The following UNC5A variants were observed in gnomAD, a reference collection of about 807,000 sequenced individuals.
The protein encoded by UNC5A is unc-5 netrin receptor A.
UNC5A carries 20 observed loss-of-function variants against 87.4 expected under a neutral mutation model. That is an observed-to-expected ratio of 0.23 (90% CI 0.16 to 0.33). The LOEUF (loss-of-function observed/expected upper bound fraction) is 0.33. Ranked by LOEUF, UNC5A falls within the 10% of genes least tolerant of loss-of-function variation. The probability of loss-of-function intolerance (pLI) is 1.00; values close to 1 mark genes in which losing one functional copy is unlikely to be tolerated. For synonymous variants in UNC5A, 438 were observed against 482.3 expected (o/e 0.91, Z 1.20); for missense variants, 844 against 1,133.4 (o/e 0.74, Z 3.67).
chr5:176,858,472 C>T (rs999874962), intron 1 of UNC5A, among the ~76,000 whole-genome samples: 1 of 152,002 alleles, frequency 6.6e-6, no homozygotes, highest in African/African-American at 2.4e-5. Flanking sequence ...GGGGCCAGAA[C>T]GTGAGGCTCA....
At position 176,844,883 on chromosome 5, in the gene UNC5A, A is replaced by G. The variant is rs1757364962; in HGVS notation, c.71-17741A>G. ...AGACTCCCTGCCCAGTGCTCATGAC[A>G]GACAGCAGCAGTTCCACACTTGGGT... On this transcript the variant is annotated intron_variant, in intron 1 of 14. Coordinates refer to ENST00000329542, the MANE Select transcript of UNC5A (RefSeq NM_133369.3). This position sits in a 1 kb window ranked among gnomAD's most constrained non-coding sequence, Gnocchi z 4.2. 6.6e-6 allele frequency among the ~76,000 whole-genome samples: 1 copy of G among 152,102 alleles called. No individual in the cohort carries two copies. Among genetic ancestry groups the G allele is most frequent in the South Asian group, 2.1e-4 (1 of 4,826 alleles).
At chr5:176,835,876 CAA>C (rs1307261116) in intron 1 of UNC5A, among the ~76,000 whole-genome samples, 1 of 152,012 alleles carries the variant, frequency 6.6e-6, no homozygotes, top group Non-Finnish European at 1.5e-5. Context: ...AAGGAGCTGA[CAA>C]AGAAATGAAA....
intron 1 of UNC5A, among the ~76,000 whole-genome samples, chr5:176,834,004 C>T (rs1405128179): frequency 6.6e-6 from 1 of 152,138 alleles, no homozygotes. Flanking sequence ...GCACCCGGCC[C>T]AGTCACACAG....
intron 1 of UNC5A, among the ~76,000 whole-genome samples, chr5:176,856,018 C>T (rs7731709): frequency 0.013 from 2,047 of 152,276 alleles, 49 homozygotes; most frequent in African/African-American, 0.047. Flanking sequence ...GAAGGAATGG[C>T]GGCAGCCGCC....
chr5:176,822,363 A>C (rs1387842010), intron 1 of UNC5A, among the ~76,000 whole-genome samples: 1 of 152,150 alleles, frequency 6.6e-6, no homozygotes, highest in Non-Finnish European at 1.5e-5. Flanking sequence ...GCAGGCCTGG[A>C]ATCTGAGCAG....
Position 176,865,758 on chromosome 5 carries a change from C to A in UNC5A, c.293-2372C>A. 2.2e-6 allele frequency: 1 copy of A among 444,558 alleles called. No homozygotes were observed. The highest frequency in any genetic ancestry group is 2.0e-5 in the African/African-American group (1 of 49,688). 27.5% of individuals were successfully genotyped at this position (444,558 alleles called of 1,614,324 possible). On this transcript the variant is annotated intron_variant, in intron 2 of 14. Transcript: ENST00000329542. This position sits in a 1 kb window ranked among gnomAD's most constrained non-coding sequence, Gnocchi z 5.3. ...CTCGGAGGCCCACCCAGCTCTGCAG[C>A]CCACTCATTCATGTGTGGGGCTGGA...
chr5:176,822,262 A>G (rs911752569), intron 1 of UNC5A, among the ~76,000 whole-genome samples: 10 of 152,188 alleles, frequency 6.6e-5, no homozygotes, highest in African/African-American at 2.4e-4. Flanking sequence ...CCCCTCTGTG[A>G]CACGCCCTGG....
chr5:176,829,020 A>G (rs1244938963), intron 1 of UNC5A, among the ~76,000 whole-genome samples: 1 of 152,064 alleles, frequency 6.6e-6, no homozygotes, highest in Non-Finnish European at 1.5e-5. Flanking sequence ...CCAGCCACTC[A>G]GGAGGCTGAG....
rs774432026 is a variant in UNC5A at position 176,841,171 on chromosome 5, C to T, written c.71-21453C>T. Among the ~76,000 whole-genome samples, 5 of 152,226 alleles carry T rather than the reference C, an allele frequency of 3.3e-5. No individual in the cohort carries two copies. Among genetic ancestry groups the T allele is most frequent in the African/African-American group, 7.2e-5 (3 of 41,452 alleles). ...GGTCAGGACCACATGGTAATGATCA[C>T]GAGCTAAAGTTGCAGGGGGCACCAG... On this transcript the variant is annotated intron_variant, in intron 1 of 14. Coordinates refer to ENST00000329542, the MANE Select transcript of UNC5A (RefSeq NM_133369.3). This position sits in a 1 kb window ranked among gnomAD's most constrained non-coding sequence, Gnocchi z 4.1.
chr5:176,873,029 C>T (rs1297408434), intron 6 of UNC5A, among the ~76,000 whole-genome samples: 4 of 76,250 alleles, frequency 5.2e-5, no homozygotes, highest in Non-Finnish European at 1.1e-4. Flanking sequence ...CCACACTCAC[C>T]CAACACCACA....
At chr5:176,820,672 G>C (rs950596003) in intron 1 of UNC5A, among the ~76,000 whole-genome samples, 8 of 152,148 alleles carry the variant, frequency 5.3e-5, no homozygotes, top group Admixed American at 1.3e-4. Flanking sequence ...CCTTCCTTTG[G>C]TCATCTGCAG....
chr5:176,868,671 G>C lies in UNC5A; in HGVS notation c.540+7G>C. The C allele has an allele frequency of 6.2e-7, 1 of 1,603,532 alleles. No homozygotes were observed. The highest frequency in any genetic ancestry group is 8.5e-7 in the Non-Finnish European group (1 of 1,174,742). On this transcript the variant is annotated splice_region_variant and intron_variant, in intron 4 of 14. Transcript: ENST00000329542. ...GGGCATCCCTCCAGCCGAGGTGAGG[G>C]CTCCTCTAGTGCCCACGTCTGGACC...
At chr5:176,873,867 C>A in intron 6 of UNC5A, 101 bp from the exon 7 acceptor site, 2 of 1,291,236 alleles carry the variant, frequency 1.5e-6, no homozygotes, top group Non-Finnish European at 2.1e-6. Context: ...GTGCAGATGC[C>A]CCGGGGTGCA....
At chr5:176,859,134 C>A (rs56402307) in intron 1 of UNC5A, among the ~76,000 whole-genome samples, 3 of 31,154 alleles carry the variant, frequency 9.6e-5, no homozygotes, top group African/African-American at 2.7e-4. Context: ...TGCTAGAATG[C>A]CCTTGCTAGA....
chr5:176,866,481 G>A lies in UNC5A; in HGVS notation c.293-1649G>A, dbSNP rs1757978439. ...CTTAAAGGTAGTGCTGTTCTCCCAA[G>A]CTGAGCCGCCTGGGCCATGGGTGAG... On this transcript the variant is annotated intron_variant, in intron 2 of 14. Transcript: ENST00000329542. The surrounding 1 kb of genome is among the most constrained non-coding windows in gnomAD (Gnocchi z 5.0). 6.6e-6 allele frequency among the ~76,000 whole-genome samples: 1 copy of A among 152,206 alleles called. No individual in the cohort carries two copies.
intron 1 of UNC5A, among the ~76,000 whole-genome samples, chr5:176,814,520 C>A (rs1009537869): frequency 6.6e-6 from 1 of 152,192 alleles, no homozygotes; most frequent in African/African-American, 2.4e-5. Flanking sequence ...CCCTTTGCTG[C>A]TGCCAATCCC....
In UNC5A at chr5:176,865,298, C is replaced by A. The variant is rs1397532921; in HGVS notation, c.292+2453C>A. Among the ~76,000 whole-genome samples, 2 of 152,240 alleles carry A rather than the reference C, an allele frequency of 1.3e-5. No homozygotes were observed. The highest frequency in any genetic ancestry group is 4.8e-5 in the African/African-American group (2 of 41,464). ...ACCCCCTTCCGGGCTCCCCCGCACA[C>A]CCCTCTGTCTGAAACACCCCTGCCA... On this transcript the variant is annotated intron_variant, in intron 2 of 14. Coordinates refer to ENST00000329542, the MANE Select transcript of UNC5A (RefSeq NM_133369.3). This position sits in a 1 kb window ranked among gnomAD's most constrained non-coding sequence, Gnocchi z 5.3.
At chr5:176,845,054 G>A (rs956871331) in intron 1 of UNC5A, among the ~76,000 whole-genome samples, 3 of 152,156 alleles carry the variant, frequency 2.0e-5, no homozygotes, top group African/African-American at 4.8e-5. Flanking sequence ...ATCTACTCAC[G>A]CAACCAGGCA....
At chr5:176,822,937 G>A (rs758418469) in intron 1 of UNC5A, among the ~76,000 whole-genome samples, 10 of 152,142 alleles carry the variant, frequency 6.6e-5, no homozygotes, top group Non-Finnish European at 1.3e-4. Context: ...TCTCTGAGCT[G>A]GGGAGTGACA....
Sources: allele counts gnomAD v4.1 joint callset (sites outside exome capture counted in the v4.1 genomes callset), GRCh38; gene constraint gnomAD v4.1.1; non-coding constraint Gnocchi (gnomAD v3.1); transcripts MANE v1.5; gene names NCBI Gene and HGNC (gene_info 2026-07-23, HGNC 2026-07-21).